TMEM38A: variants seen among roughly 807,000 people sequenced by gnomAD.
TMEM38A encodes the protein transmembrane protein 38A, also known as trimeric intracellular cation channel type A.
Under a neutral mutation model 28.6 loss-of-function variants are expected in TMEM38A, and 17 were observed. That is an observed-to-expected ratio of 0.60 (90% confidence interval 0.41 to 0.89). The LOEUF (loss-of-function observed/expected upper bound fraction) is 0.89, where lower values mean the gene tolerates loss of function less well. Ranked by LOEUF, TMEM38A falls within the 40% of genes least tolerant of loss-of-function variation. The pLI, the probability that TMEM38A is intolerant of heterozygous loss-of-function variation, is 0.00. For synonymous variants in TMEM38A, 169 were observed against 166.1 expected, an observed-to-expected ratio of 1.02 and a Z score of -0.14; for missense variants, 328 against 393.1, an observed-to-expected ratio of 0.83 and a Z score of 1.40.
intron 1 of TMEM38A, among the ~76,000 whole-genome samples, chr19:16,665,812 C>CA (rs1555708878): frequency 7.1e-6 from 1 of 141,054 alleles, no homozygotes; most frequent in East Asian, 2.0e-4. Context: ...TTTTCTTTTC[C>CA]TTTTTTTTTT....
intron 4 of TMEM38A, 59 bp from the exon 5 acceptor site, chr19:16,686,227 CAG>C: frequency 1.5e-6 from 2 of 1,321,668 alleles, no homozygotes; most frequent in Non-Finnish European, 1.1e-6. Context: ...GTGTCTGGGC[CAG>C]AGTTATGAAG....
intron 3 of TMEM38A, among the ~76,000 whole-genome samples, chr19:16,681,643 C>T (rs1379154382): frequency 6.6e-6 from 1 of 152,194 alleles, no homozygotes; most frequent in African/African-American, 2.4e-5. Flanking sequence ...GCCATGGTGT[C>T]CTCAGTTATT....
At position 16,688,745 on chromosome 19, in the gene TMEM38A, C is replaced by T. The variant is rs760071839; in HGVS notation, c.*374C>T. ...CAGTGGCTCATGCCTATAATCCTAG[C>T]ACTTTGGGAGGCCGAGGCGGGCAGA... On this transcript the variant is annotated 3_prime_UTR_variant, in exon 6 of 6. Coordinates refer to ENST00000187762, the MANE Select transcript of TMEM38A (RefSeq NM_024074.4). 15 of 158,020 alleles carry T rather than the reference C, an allele frequency of 9.5e-5. No individual in the cohort carries two copies. The highest frequency in any genetic ancestry group is 1.9e-4 in the Non-Finnish European group (14 of 72,094). 9.8% of individuals were successfully genotyped at this position (158,020 alleles called of 1,614,324 possible). A position where few individuals can be genotyped will look rare whatever the true frequency, so the allele number is the denominator to read the frequency against.
chr19:16,663,695 A>ATT (rs1177464598), intron 1 of TMEM38A, among the ~76,000 whole-genome samples: 1 of 142,080 alleles, frequency 7.0e-6, no homozygotes, highest in African/African-American at 2.6e-5. Flanking sequence ...TGCCCGGCTA[A>ATT]TTTTTTTTTT....
intron 1 of TMEM38A, among the ~76,000 whole-genome samples, chr19:16,665,429 G>T (rs1254966487): frequency 6.6e-6 from 1 of 152,132 alleles, no homozygotes; most frequent in African/African-American, 2.4e-5. Context: ...GGTGGAGGCT[G>T]CAGTGAGCCA....
At chr19:16,669,670 G>T (rs959466829) in intron 1 of TMEM38A, among the ~76,000 whole-genome samples, 1 of 152,146 alleles carries the variant, frequency 6.6e-6, no homozygotes, top group Admixed American at 6.6e-5. Context: ...AACAGGGGAG[G>T]AAACTGAGGC....
At position 16,688,688 on chromosome 19, in the gene TMEM38A, T is replaced by G; in HGVS notation, c.*317T>G. 1 of 211,328 alleles carries G rather than the reference T, an allele frequency of 4.7e-6. No homozygotes were observed. Among genetic ancestry groups the G allele is most frequent in the Non-Finnish European group, 9.3e-6 (1 of 107,250 alleles). 13.1% of individuals were successfully genotyped at this position (211,328 alleles called of 1,614,324 possible). On this transcript the variant is annotated 3_prime_UTR_variant, in exon 6 of 6. Coordinates refer to ENST00000187762, the MANE Select transcript of TMEM38A (RefSeq NM_024074.4). ...TGGCATGATATTCTTAGTTGTATTTTTCCTTCTTTAAAATTGCATCTTGAC... is the reference window on the plus strand; with the variant it reads ...TGGCATGATATTCTTAGTTGTATTTGTCCTTCTTTAAAATTGCATCTTGAC...
At chr19:16,672,263 TGTTA>T (rs770566024) in intron 1 of TMEM38A, among the ~76,000 whole-genome samples, 24 of 152,090 alleles carry the variant, frequency 1.6e-4, no homozygotes, top group Admixed American at 6.6e-5. Context: ...AAGATCACAT[TGTTA>T]GTTGGTGGGG....
At chr19:16,675,247 T>C (rs375140956) in intron 1 of TMEM38A, among the ~76,000 whole-genome samples, 2 of 152,126 alleles carry the variant, frequency 1.3e-5, no homozygotes, top group South Asian at 2.1e-4. Context: ...ATTTGTTTAT[T>C]TATTGAGATA....
intron 5 of TMEM38A, 91 bp from the exon 6 acceptor site, chr19:16,688,053 C>A: frequency 1.1e-6 from 1 of 926,314 alleles, no homozygotes; most frequent in Non-Finnish European, 1.5e-6. Context: ...CATTCTCTCC[C>A]CTCTTCTCCC....
chr19:16,668,226 ATAAT>A (rs1242043090), intron 1 of TMEM38A, among the ~76,000 whole-genome samples: 1 of 151,312 alleles, frequency 6.6e-6, no homozygotes, highest in Non-Finnish European at 1.5e-5. Flanking sequence ...TAAATAATAA[ATAAT>A]AAATTAATTA....
intron 1 of TMEM38A, among the ~76,000 whole-genome samples, chr19:16,677,970 A>G (rs2086759702): frequency 6.6e-6 from 1 of 152,222 alleles, no homozygotes; most frequent in African/African-American, 2.4e-5. Context: ...TGAGATTCCT[A>G]AAGTCATCAA....
chr19:16,662,436 C>CTTTTTTTTTTTT (rs35226829), intron 1 of TMEM38A, among the ~76,000 whole-genome samples: 6 of 75,824 alleles, frequency 7.9e-5, no homozygotes, highest in African/African-American at 1.1e-4. Context: ...TAAATGCACG[C>CTTTTTTTTTTTT]TTTTTTTTTT....
At position 16,661,216 on chromosome 19, in the gene TMEM38A, C is replaced by T. The variant is rs762820893; in HGVS notation, c.-2C>T. The T allele has an allele frequency of 4.7e-6, 7 of 1,499,820 alleles. No homozygotes were observed. In the Admixed American group the frequency reaches 1.4e-4, roughly 30 times the overall value. The allele number at this position is 1,499,820 out of a possible 1,614,324, so 92.9% of individuals were successfully genotyped here. A position where few individuals can be genotyped will look rare whatever the true frequency, so the allele number is the denominator to read the frequency against. On this transcript the variant is annotated 5_prime_UTR_variant, in exon 1 of 6. Transcript: ENST00000187762. This position sits in a 1 kb window ranked among gnomAD's most constrained non-coding sequence, Gnocchi z 6.5. ...CACCCGGCAGGCGGGCAGGCGGGCGCCATGGAGCTGCTCTCGGCGCTGAGC... is the reference window on the plus strand; with the variant it reads ...CACCCGGCAGGCGGGCAGGCGGGCGTCATGGAGCTGCTCTCGGCGCTGAGC...
intron 1 of TMEM38A, among the ~76,000 whole-genome samples, chr19:16,668,529 G>A (rs976353797): frequency 3.3e-5 from 5 of 151,312 alleles, no homozygotes; most frequent in African/African-American, 1.2e-4. Context: ...AAAAGAGATG[G>A]GGGTTCTGTT....
At chr19:16,666,182 C>T (rs372218652) in intron 1 of TMEM38A, among the ~76,000 whole-genome samples, 5 of 151,886 alleles carry the variant, frequency 3.3e-5, no homozygotes, top group East Asian at 1.9e-4. Context: ...GGTTTCACCA[C>T]GTTGGCCAGG....
chr19:16,685,703 GGTGTGGCCCA>G lies in TMEM38A; in HGVS notation c.555-584_555-575del, dbSNP rs1438636114. The stretch of plus-strand genomic sequence containing the variant: ...ACCATAAATTACGTTGTTACTACCT[GGTGTGGCCCA>G]AGGCCGTCCTCAGGCAAACAAAGAC... On this transcript the variant is annotated intron_variant, in intron 4 of 5. Coordinates refer to ENST00000187762, the MANE Select transcript of TMEM38A (RefSeq NM_024074.4). 3.3e-5 allele frequency among the ~76,000 whole-genome samples: 5 copies of G among 152,294 alleles called. No individual in the cohort carries two copies. In the South Asian group the frequency reaches 1.0e-3, roughly 32 times the overall value.
At position 16,682,450 on chromosome 19, in the gene TMEM38A, G is replaced by A; in HGVS notation, c.496G>A (p.Glu166Lys). Reference sequence around the variant, plus strand: ...TGGTGTCGCCCTCATGTCCAACTTTGAGCAGCTGCTCCGAGGGGTCTGGAA... The same window carrying A: ...TGGTGTCGCCCTCATGTCCAACTTTAAGCAGCTGCTCCGAGGGGTCTGGAA... ...GSGVALMSNF[E>K]QLLRGVWKPE... The change falls in exon 4 of 6, where the codon GAG becomes AAG. Residue 166 changes from glutamate to lysine, a missense_variant. By Grantham distance (56) the Glu-to-Lys change is moderately conservative. Coordinates refer to ENST00000187762, the MANE Select transcript of TMEM38A (RefSeq NM_024074.4). 1 of 1,613,932 alleles carries A rather than the reference G, an allele frequency of 6.2e-7. No individual in the cohort carries two copies. The highest frequency in any genetic ancestry group is 1.7e-4 in the Middle Eastern group (1 of 6,060).
At position 16,688,634 on chromosome 19, in the gene TMEM38A, CA is replaced by C. The variant is rs1331104457; in HGVS notation, c.*264del. ...TTTGGAGGGGTTCACAGAATCCTGG[CA>C]GCAGCTCCAGTCAAGAATGTCACTG... On this transcript the variant is annotated 3_prime_UTR_variant, in exon 6 of 6. Coordinates refer to ENST00000187762, the MANE Select transcript of TMEM38A (RefSeq NM_024074.4). 1 of 339,200 alleles carries C rather than the reference CA, an allele frequency of 2.9e-6. No homozygotes were observed. The highest frequency in any genetic ancestry group is 5.3e-6 in the Non-Finnish European group (1 of 188,176). 21.0% of individuals were successfully genotyped at this position (339,200 alleles called of 1,614,324 possible).
Sources: gnomAD v4.1 joint callset for allele counts (sites outside exome capture counted in the v4.1 genomes callset) on GRCh38, gnomAD v4.1.1 for gene constraint, Gnocchi (gnomAD v3.1) non-coding constraint, MANE v1.5 for transcripts, NCBI Gene and HGNC (gene_info 2026-07-23, HGNC 2026-07-21) for gene names.